Variants in KCTD1 observed in about 807,000 individuals in gnomAD.
The protein encoded by KCTD1 is potassium channel tetramerization domain containing 1, also known as BTB/POZ domain-containing protein KCTD1.
Under a neutral mutation model 66.0 loss-of-function variants are expected in KCTD1, and 24 were observed. The observed-to-expected ratio is 0.36, with a 90% CI of 0.26 to 0.51. The LOEUF is 0.51. Ranked by LOEUF, KCTD1 falls within the 20% of genes least tolerant of loss-of-function variation. KCTD1 has a pLI of 0.95. For synonymous variants in KCTD1, 511 were observed against 517.2 expected (o/e 0.99, Z 0.16); for missense variants, 943 against 1,205.2 (o/e 0.78, Z 3.22).
chr18:26,491,868 G>GTGTT (rs1982218560), intron 2 of KCTD1, among the ~76,000 whole-genome samples: 1 of 152,190 alleles, frequency 6.6e-6, no homozygotes, highest in South Asian at 2.1e-4. Flanking sequence ...CAAAAGGGGT[G>GTGTT]TGTTGGACTA....
At chr18:26,521,074 G>C (rs75716579) in intron 1 of KCTD1, among the ~76,000 whole-genome samples, 10,214 of 152,304 alleles carry the variant, frequency 0.067, 408 homozygotes, top group African/African-American at 0.085. Context: ...AGGCAAAGCT[G>C]CTGGGGGAGT....
rs1980884234 is a variant in KCTD1, at chr18:26,468,709, G to A, written c.2133+7806C>T. Among the ~76,000 whole-genome samples, 1 of 151,792 alleles carries A rather than the reference G, an allele frequency of 6.6e-6. No homozygotes were observed. Among genetic ancestry groups the A allele is most frequent in the African/African-American group, 2.4e-5 (1 of 41,156 alleles). On this transcript the variant is annotated intron_variant, in intron 3 of 4. Transcript: ENST00000580059. This position sits in a 1 kb window ranked among gnomAD's most constrained non-coding sequence, Gnocchi z 4.8. ...TAGTGTGCCTGTGGCGTGGTGGCGT[G>A]TGGTGGCGTGTGCCTGTAGTCCAGC...
intron 1 of KCTD1, among the ~76,000 whole-genome samples, chr18:26,605,724 A>ATATCTATCTATC (rs10680402): frequency 0.011 from 1,548 of 136,132 alleles, 12 homozygotes; most frequent in Admixed American, 0.014. Context: ...ATATATCTCT[A>ATATCTATCTATC]TATCTATCTA....
chr18:26,507,768 G>A (rs1369238271), intron 1 of KCTD1, among the ~76,000 whole-genome samples: 1 of 151,916 alleles, frequency 6.6e-6, no homozygotes, highest in African/African-American at 2.4e-5. Context: ...AAGGTGTCAG[G>A]AACAAAAGGG....
At chr18:26,503,290 G>A (rs1209855094) in intron 1 of KCTD1, among the ~76,000 whole-genome samples, 2 of 152,104 alleles carry the variant, frequency 1.3e-5, no homozygotes, top group Admixed American at 6.6e-5. Flanking sequence ...GGAGTTAAAG[G>A]GGTATTGGGT....
At chr18:26,620,551 G>A (rs1987358139) in intron 1 of KCTD1, among the ~76,000 whole-genome samples, 1 of 147,214 alleles carries the variant, frequency 6.8e-6, no homozygotes, top group South Asian at 2.2e-4. Context: ...CTCCTCCCAC[G>A]TCAGTCTCCT....
chr18:26,566,821 G>C (rs1195867612), intron 1 of KCTD1: 1 of 123,290 alleles, frequency 8.1e-6, no homozygotes, highest in Non-Finnish European at 1.7e-5. Flanking sequence ...CTACTTTGGA[G>C]GCAAGATCTA....
intron 1 of KCTD1, among the ~76,000 whole-genome samples, chr18:26,653,923 T>C (rs537439638): frequency 6.6e-6 from 1 of 152,350 alleles, no homozygotes; most frequent in Admixed American, 6.5e-5. Flanking sequence ...TCTGTTTGCT[T>C]GGGAAATTAT....
chr18:26,518,162 A>G (rs1983751673), intron 1 of KCTD1, among the ~76,000 whole-genome samples: 2 of 152,240 alleles, frequency 1.3e-5, no homozygotes, highest in Non-Finnish European at 2.9e-5. Flanking sequence ...AGGTGGGTGC[A>G]TCGTAGCTCC....
intron 2 of KCTD1, among the ~76,000 whole-genome samples, chr18:26,479,497 C>A (rs1981521984): frequency 6.6e-6 from 1 of 152,176 alleles, no homozygotes; most frequent in Non-Finnish European, 1.5e-5. Context: ...GCTGCCAGGG[C>A]AGAAAAGGCT....
chr18:26,550,055 C>A (rs1344546615), upstream of KCTD1, among the ~76,000 whole-genome samples: 3 of 151,684 alleles, frequency 2.0e-5, no homozygotes, highest in Non-Finnish European at 4.4e-5. The surrounding 1 kb of genome is among the most constrained non-coding windows in gnomAD (Gnocchi z 5.4). Flanking sequence ...TCCCGCAGCC[C>A]GTGTGTACCC....
intron 1 of KCTD1, among the ~76,000 whole-genome samples, chr18:26,649,594 C>T (rs1351443580): frequency 2.6e-5 from 4 of 152,130 alleles, no homozygotes; most frequent in Admixed American, 6.5e-5. Flanking sequence ...CTGCAACCTC[C>T]GCCTCCTGGG....
At chr18:26,535,537 A>C (rs893576247) in intron 1 of KCTD1, among the ~76,000 whole-genome samples, 1 of 150,496 alleles carries the variant, frequency 6.6e-6, no homozygotes, top group Non-Finnish European at 1.5e-5. Context: ...GTACACTGAC[A>C]TTTGGAAGAC....
At chr18:26,568,373 A>G (rs929477142) in intron 1 of KCTD1, among the ~76,000 whole-genome samples, 7 of 152,014 alleles carry the variant, frequency 4.6e-5, no homozygotes, top group Admixed American at 3.9e-4. Context: ...AGTACCTGGG[A>G]CTACAGGCAC....
intron 1 of KCTD1, among the ~76,000 whole-genome samples, chr18:26,524,700 A>C (rs1984074565): frequency 6.6e-6 from 1 of 152,258 alleles, no homozygotes; most frequent in Admixed American, 6.5e-5. Context: ...TCTCTGGAAG[A>C]ATCCACAAGA....
intron 2 of KCTD1, among the ~76,000 whole-genome samples, chr18:26,500,573 GC>G (rs1982709031): frequency 6.6e-6 from 1 of 152,024 alleles, no homozygotes; most frequent in East Asian, 1.9e-4. Flanking sequence ...AAGTTCCATG[GC>G]CCTTCATTTT....
chr18:26,483,685 A>G (rs1335032925), intron 2 of KCTD1, among the ~76,000 whole-genome samples: 1 of 152,202 alleles, frequency 6.6e-6, no homozygotes, highest in Non-Finnish European at 1.5e-5. Flanking sequence ...GAAACCTAAC[A>G]TAGACAAATC....
chr18:26,651,018 CT>C (rs1301098767), intron 1 of KCTD1, among the ~76,000 whole-genome samples: 1 of 152,262 alleles, frequency 6.6e-6, no homozygotes, highest in East Asian at 1.9e-4. Context: ...TGACAGAGTA[CT>C]TGTGAGCAAA....
chr18:26,477,934 G>A (rs1981434369), intron 2 of KCTD1, among the ~76,000 whole-genome samples: 1 of 152,118 alleles, frequency 6.6e-6, no homozygotes, highest in South Asian at 2.1e-4. Flanking sequence ...TCCACGAATT[G>A]CCTGTGATTA....
Sources: gnomAD v4.1 joint callset for allele counts (sites outside exome capture counted in the v4.1 genomes callset) on GRCh38, gnomAD v4.1.1 for gene constraint, Gnocchi (gnomAD v3.1) non-coding constraint, MANE v1.5 for transcripts, NCBI Gene and HGNC (gene_info 2026-07-23, HGNC 2026-07-21) for gene names.